UNC79: variants seen among roughly 807,000 people sequenced by gnomAD.
UNC79 encodes the protein unc-79 subunit of NALCN channel complex.
A neutral mutation model predicts 283.1 loss-of-function variants in UNC79; 37 were observed. That is an observed-to-expected ratio of 0.13 (90% confidence interval 0.10 to 0.17). UNC79 has a LOEUF of 0.17. UNC79 is among the 10% of genes least tolerant of loss of function. The probability of loss-of-function intolerance (pLI) is 1.00; values close to 1 mark genes in which losing one functional copy is unlikely to be tolerated. For synonymous variants in UNC79, 1,107 were observed against 1,200.2 expected (o/e 0.92, Z 1.61); for missense variants, 2,272 against 3,211.1 (o/e 0.71, Z 7.07).
intron 29 of UNC79, among the ~76,000 whole-genome samples, chr14:93,619,927 G>A (rs559716577): frequency 6.6e-6 from 1 of 152,196 alleles, no homozygotes; most frequent in African/African-American, 2.4e-5. Context: ...TTGCCACTTT[G>A]TACGTGGCTT....
intron 3 of UNC79, among the ~76,000 whole-genome samples, chr14:93,475,964 CAG>C: frequency 6.6e-6 from 1 of 152,098 alleles, no homozygotes; most frequent in East Asian, 1.9e-4. Context: ...GGAAAAAACT[CAG>C]TAGATCAATC....
At chr14:93,496,071 G>A (rs778084911) in intron 5 of UNC79, among the ~76,000 whole-genome samples, 1 of 152,126 alleles carries the variant, frequency 6.6e-6, no homozygotes, top group African/African-American at 2.4e-5. Flanking sequence ...CAATAAATGT[G>A]AGCTTTTATT....
chr14:93,395,673 GT>G (rs532989737), intron 1 of UNC79, among the ~76,000 whole-genome samples: 306 of 151,888 alleles, frequency 2.0e-3, no homozygotes, highest in South Asian at 0.01. Context: ...ATTTATTAGT[GT>G]TTTTTTTGTT....
chr14:93,592,196 A>G (rs1332862870), intron 22 of UNC79, among the ~76,000 whole-genome samples: 2 of 118,894 alleles, frequency 1.7e-5, no homozygotes, highest in African/African-American at 6.8e-5. Context: ...TTTTTTTGAG[A>G]CTGAGTCTCG....
chr14:93,404,493 A>AAAAAAAAATATATATAT lies in UNC79; in HGVS notation c.-350-63177_-350-63176insAAAAAAATATATATATA. ...TGACAGAGTGAGACCTTCTAAAAAA[A>AAAAAAAAATATATATAT]ATATATATATATATATATATAAATA... On this transcript the variant is annotated intron_variant, in intron 1 of 49. Transcript: ENST00000256339. Among the ~76,000 whole-genome samples the AAAAAAAAATATATATAT allele has an allele frequency of 8.6e-3, 529 of 61,468 alleles. 23 individuals carry two copies. The highest frequency in any genetic ancestry group is 0.011 in the Non-Finnish European group (347 of 31,160). 40.3% of individuals were successfully genotyped at this position (61,468 alleles called of 152,430 possible).
At chr14:93,680,027 T>C (rs1400187294) in intron 41 of UNC79, among the ~76,000 whole-genome samples, 1 of 152,220 alleles carries the variant, frequency 6.6e-6, no homozygotes, top group Non-Finnish European at 1.5e-5. Context: ...TGACAATGCA[T>C]GGATAAAAAA....
At chr14:93,707,650 C>T (rs963309309), downstream of UNC79, 2 of 152,174 alleles carry the variant, frequency 1.3e-5, no homozygotes, top group Admixed American at 6.5e-5. Context: ...CACACTGGAC[C>T]AGATGAGTCC....
At chr14:93,431,594 C>T (rs190522897) in intron 1 of UNC79, among the ~76,000 whole-genome samples, 27 of 152,248 alleles carry the variant, frequency 1.8e-4, no homozygotes, top group Non-Finnish European at 8.8e-5. Flanking sequence ...AAAATTAACT[C>T]ACTAATGCCA....
Position 93,621,561 on chromosome 14 carries a change from A to T in UNC79, c.4388-60A>T. 1 of 1,489,076 alleles carries T rather than the reference A, an allele frequency of 6.7e-7. No individual in the cohort carries two copies. Among genetic ancestry groups the T allele is most frequent in the Non-Finnish European group, 8.9e-7 (1 of 1,120,838 alleles). 92.2% of individuals were successfully genotyped at this position (1,489,076 alleles called of 1,614,324 possible). A position where few individuals can be genotyped will look rare whatever the true frequency, so the allele number is the denominator to read the frequency against. On this transcript the variant is annotated intron_variant, in intron 29 of 48. Coordinates refer to ENST00000555664, the Ensembl canonical transcript of UNC79. This position sits in a 1 kb window ranked among gnomAD's most constrained non-coding sequence, Gnocchi z 4.8. ...TATGCCAATTGTATGCCCAAGGATG[A>T]GGGGAAAAAATGGTGAAATCTCCAA...
intron 1 of UNC79, among the ~76,000 whole-genome samples, chr14:93,341,290 C>G (rs1165248210): frequency 6.6e-6 from 1 of 151,948 alleles, no homozygotes; most frequent in Non-Finnish European, 1.5e-5. Context: ...AACCCCGTCT[C>G]TACTAAAAAT....
intron 37 of UNC79, among the ~76,000 whole-genome samples, chr14:93,654,486 C>T (rs545590629): frequency 6.4e-5 from 9 of 140,550 alleles, no homozygotes; most frequent in Non-Finnish European, 1.2e-4. Context: ...GGCTACATTA[C>T]ACTCCAATGG....
intron 8 of UNC79, among the ~76,000 whole-genome samples, chr14:93,526,302 T>TC (rs1325384594): frequency 6.6e-6 from 1 of 152,192 alleles, no homozygotes; most frequent in Non-Finnish European, 1.5e-5. Flanking sequence ...ATCCACATCA[T>TC]CACCGTATGA....
chr14:93,530,447 G>C (rs971480834), intron 10 of UNC79, among the ~76,000 whole-genome samples: 1 of 148,300 alleles, frequency 6.7e-6, no homozygotes, highest in Non-Finnish European at 1.5e-5. Flanking sequence ...TAGGAGGGCA[G>C]GAGAGAAAAA....
chr14:93,586,785 A>G, exon 22 of UNC79: 2 of 1,614,026 alleles, frequency 1.2e-6, no homozygotes, highest in Non-Finnish European at 1.7e-6. Flanking sequence ...GAAGAGCCAG[A>G]CATTCTTTTT....
At chr14:93,572,183 A>G in intron 15 of UNC79, 99 bp downstream of exon 15, 1 of 1,282,960 alleles carries the variant, frequency 7.8e-7, no homozygotes, top group Non-Finnish European at 1.0e-6. Context: ...CGTTTTATAT[A>G]ATCTCATTTA....
At chr14:93,514,364 A>T (rs2140895526) in intron 7 of UNC79, among the ~76,000 whole-genome samples, 1 of 152,350 alleles carries the variant, frequency 6.6e-6, no homozygotes, top group Middle Eastern at 3.4e-3. Context: ...TTTATTCCTA[A>T]GGTGTGACCT....
chr14:93,596,835 G>A lies in UNC79; in HGVS notation c.3191-524G>A, dbSNP rs1004126124. Among the ~76,000 whole-genome samples, 19 of 152,146 alleles carry A rather than the reference G, an allele frequency of 1.2e-4. 1 individual carries two copies. In the East Asian group the frequency reaches 1.3e-3, roughly 11 times the overall value. On this transcript the variant is annotated intron_variant, in intron 23 of 48. Transcript: ENST00000555664. ...ATAATTAGAAATCTATCAAGTAAGC[G>A]TATATTTATAGCATGGAAGAAATAC...
chr14:93,512,357 T>C (rs952368907), intron 7 of UNC79, among the ~76,000 whole-genome samples: 1 of 152,012 alleles, frequency 6.6e-6, no homozygotes, highest in African/African-American at 2.4e-5. Flanking sequence ...TATGTTCTGC[T>C]TGAGTGTGGT....
intron 1 of UNC79, among the ~76,000 whole-genome samples, chr14:93,415,178 A>G (rs1017485493): frequency 6.6e-6 from 1 of 152,158 alleles, no homozygotes; most frequent in African/African-American, 2.4e-5. Context: ...AGCTCTTATT[A>G]TTTTGAGATA....
Sources: gnomAD v4.1 joint callset for allele counts (sites outside exome capture counted in the v4.1 genomes callset) on GRCh38, gnomAD v4.1.1 for gene constraint, Gnocchi (gnomAD v3.1) non-coding constraint, MANE v1.5 for transcripts, NCBI Gene and HGNC (gene_info 2026-07-23, HGNC 2026-07-21) for gene names.